The following NHEJ1 variants were observed in gnomAD, a reference collection of about 807,000 sequenced individuals.
The protein encoded by NHEJ1 is non-homologous end-joining factor 1.
In NHEJ1, 22 loss-of-function variants were observed where a neutral mutation model predicts 39.4. That is an observed-to-expected ratio of 0.56 (90% confidence interval 0.40 to 0.80). The LOEUF (loss-of-function observed/expected upper bound fraction) is 0.80. Among genes scored for constraint, NHEJ1 ranks in the 30% least tolerant of loss-of-function variants. The pLI is 0.00. For missense variants in NHEJ1, 329 were observed against 357.1 expected (o/e 0.92, Z 0.63); for synonymous variants, 154 against 135.6 (o/e 1.14, Z -0.94).
intron 5 of NHEJ1, among the ~76,000 whole-genome samples, chr2:219,141,518 G>A (rs1230964707): frequency 6.6e-6 from 1 of 152,106 alleles, no homozygotes; most frequent in Non-Finnish European, 1.5e-5. Flanking sequence ...GGACAAAGAG[G>A]AAAGTGAGTG....
At chr2:219,080,680 A>AATATATATAAGC (rs1553542331) in intron 5 of NHEJ1, among the ~76,000 whole-genome samples, 1 of 83,156 alleles carries the variant, frequency 1.2e-5, no homozygotes, top group Non-Finnish European at 2.9e-5. Context: ...TATATATGCT[A>AATATATATAAGC]ATATATATGC....
At chr2:219,077,438 A>T in intron 6 of NHEJ1, 74 bp from the exon 7 acceptor site, 2 of 1,168,540 alleles carry the variant, frequency 1.7e-6, no homozygotes, top group Non-Finnish European at 2.6e-6. Flanking sequence ...GCATTCACCA[A>T]GCATTCTGAT....
chr2:219,124,711 C>T (rs1949500061), intron 5 of NHEJ1: 1 of 151,762 alleles, frequency 6.6e-6, no homozygotes, highest in African/African-American at 2.4e-5. Context: ...GAGTCTACAA[C>T]ACTCTTTAAC....
intron 5 of NHEJ1, among the ~76,000 whole-genome samples, chr2:219,091,204 T>C (rs981995151): frequency 2.6e-5 from 4 of 152,090 alleles, no homozygotes; most frequent in Non-Finnish European, 5.9e-5. Flanking sequence ...CTAGCCCAGT[T>C]AGATAGGAGC....
intron 5 of NHEJ1, among the ~76,000 whole-genome samples, chr2:219,134,106 G>T (rs1045726885): frequency 2.0e-5 from 3 of 152,090 alleles, no homozygotes; most frequent in Non-Finnish European, 4.4e-5. Flanking sequence ...TCCATTGATC[G>T]TTCTTTAACA....
intron 5 of NHEJ1, chr2:219,095,258 G>A: frequency 2.1e-6 from 1 of 469,594 alleles, no homozygotes; most frequent in Non-Finnish European, 4.4e-6. Flanking sequence ...GGAAGACAAT[G>A]GAAACAAAAG....
chr2:219,081,779 C>T (rs1396527406), intron 5 of NHEJ1, among the ~76,000 whole-genome samples: 1 of 152,174 alleles, frequency 6.6e-6, no homozygotes, highest in African/African-American at 2.4e-5. Context: ...AATTTTGACA[C>T]AAGAGTTCTG....
Position 219,077,291 on chromosome 2 carries a change from C to T in NHEJ1, c.780G>A (p.Leu260=). The change falls in exon 7 of 8, where the codon CTG becomes CTA. Residue 260 remains leucine (L), a synonymous_variant. Transcript: ENST00000356853. ...DSQCVNQPEQ[L]VSSAPTLSAP... is the part of the protein sequence containing the mutation. ...CTGAGAGGGTTGGGGCTGAGGAGAC[C>T]AGTTGTTCTGGCTGGTTTACACATT... 2 of 1,614,044 alleles carry T rather than the reference C, an allele frequency of 1.2e-6. No homozygotes were observed. Among genetic ancestry groups the T allele is most frequent in the South Asian group, 1.1e-5 (1 of 91,074 alleles).
Position 219,116,546 on chromosome 2 carries a change from T to C in NHEJ1, c.588+30134A>G, listed in dbSNP as rs149541146. Among the ~76,000 whole-genome samples the C allele has an allele frequency of 3.1e-3, 471 of 152,150 alleles. 1 individual carries two copies. The highest frequency in any genetic ancestry group is 0.011 in the African/African-American group (454 of 41,508). On this transcript the variant is annotated intron_variant, in intron 5 of 7. Coordinates refer to ENST00000356853, the MANE Select transcript of NHEJ1 (RefSeq NM_024782.3). ...TAATTTTTGTCTTTTTTTGTAGAGA[T>C]GGGGTTTCGCCATGTTGCCCAGGCT...
chr2:219,126,650 T>C (rs1949526070), intron 5 of NHEJ1, among the ~76,000 whole-genome samples: 1 of 152,198 alleles, frequency 6.6e-6, no homozygotes, highest in Non-Finnish European at 1.5e-5. Context: ...CTTGGGGAAC[T>C]TACCACCTAG....
rs575662077 is a variant in NHEJ1 at position 219,158,881 on chromosome 2, T to A, written c.1-519A>T. ...GTTTAGGAAGCTCTCAGGATTTTTT[T>A]AAAAATCCCTAAAACAGGTTCTTAA... On this transcript the variant is annotated intron_variant, in intron 1 of 7. Coordinates refer to ENST00000356853, the MANE Select transcript of NHEJ1 (RefSeq NM_024782.3). 6.7e-5 allele frequency: 12 copies of A among 180,160 alleles called. No individual in the cohort carries two copies. The South Asian group carries it at 1.2e-3, about 17-fold the overall frequency. 11.2% of individuals were successfully genotyped at this position (180,160 alleles called of 1,614,324 possible).
At chr2:219,091,256 C>G (rs1243717801) in intron 5 of NHEJ1, among the ~76,000 whole-genome samples, 1 of 152,136 alleles carries the variant, frequency 6.6e-6, no homozygotes, top group Non-Finnish European at 1.5e-5. Context: ...AAGCCAGAAG[C>G]TGAAACTTGG....
chr2:219,138,322 C>T (rs1949656605), intron 5 of NHEJ1, among the ~76,000 whole-genome samples: 1 of 152,208 alleles, frequency 6.6e-6, no homozygotes, highest in South Asian at 2.1e-4. Context: ...TTTATATACA[C>T]TTCATCCCGA....
intron 1 of NHEJ1, among the ~76,000 whole-genome samples, chr2:219,159,564 C>T (rs1283260453): frequency 1.6e-5 from 1 of 61,772 alleles, no homozygotes; most frequent in African/African-American, 8.3e-5. Flanking sequence ...TATATATATG[C>T]ATATATATAT....
At chr2:219,079,053 A>G (rs1345182009) in intron 5 of NHEJ1, among the ~76,000 whole-genome samples, 1 of 152,248 alleles carries the variant, frequency 6.6e-6, no homozygotes, top group Non-Finnish European at 1.5e-5. Flanking sequence ...TCACTACAGA[A>G]TGAACTGTGG....
chr2:219,105,152 A>C (rs1574715114), intron 5 of NHEJ1, among the ~76,000 whole-genome samples: 1 of 152,220 alleles, frequency 6.6e-6, no homozygotes, highest in Admixed American at 6.5e-5. Flanking sequence ...ATTTTCAAAT[A>C]ATTAGAAAGT....
chr2:219,142,863 C>T (rs1949704338), intron 5 of NHEJ1, among the ~76,000 whole-genome samples: 2 of 152,190 alleles, frequency 1.3e-5, no homozygotes, highest in African/African-American at 4.8e-5. Flanking sequence ...GTCAGTATCA[C>T]CCTCTAGTTA....
At chr2:219,159,584 T>TAC (rs1949905968) in intron 1 of NHEJ1, among the ~76,000 whole-genome samples, 2 of 116,520 alleles carry the variant, frequency 1.7e-5, no homozygotes, top group African/African-American at 9.4e-5. Flanking sequence ...TGCATATATA[T>TAC]ATGCATATAT....
At chr2:219,155,558 C>T (rs888117414) in intron 3 of NHEJ1, among the ~76,000 whole-genome samples, 1 of 151,468 alleles carries the variant, frequency 6.6e-6, no homozygotes, top group African/African-American at 2.4e-5. Flanking sequence ...GTTGATAGAC[C>T]TTAGAAGTTA....
Sources: allele counts gnomAD v4.1 joint callset (sites outside exome capture counted in the v4.1 genomes callset), GRCh38; gene constraint gnomAD v4.1.1; transcripts MANE v1.5; gene names NCBI Gene and HGNC (gene_info 2026-07-23, HGNC 2026-07-21).